TENM2: variants seen among roughly 807,000 people sequenced by gnomAD.
The protein encoded by TENM2 is teneurin transmembrane protein 2.
In TENM2, 52 loss-of-function variants were observed where a neutral mutation model predicts 245.2. That is an observed-to-expected ratio of 0.21 (90% CI 0.17 to 0.27). The LOEUF (loss-of-function observed/expected upper bound fraction) is 0.27, where lower values mean the gene tolerates loss of function less well. Among genes scored for constraint, TENM2 ranks in the 10% least tolerant of loss-of-function variants. The pLI, the probability that TENM2 is intolerant of heterozygous loss-of-function variation, is 1.00. For synonymous variants in TENM2, 1,363 were observed against 1,438.9 expected (o/e 0.95, Z 1.19); for missense variants, 3,046 against 3,666.8 (o/e 0.83, Z 4.37).
At chr5:167,349,839 A>G (rs925894603) in intron 1 of TENM2, among the ~76,000 whole-genome samples, 1 of 152,192 alleles carries the variant, frequency 6.6e-6, no homozygotes, top group African/African-American at 2.4e-5. Context: ...ATATACATGA[A>G]GACATCTCAT....
chr5:167,098,850 A>T, the TENM2 span, among the ~76,000 whole-genome samples: 3 of 152,132 alleles, frequency 2.0e-5, no homozygotes, highest in African/African-American at 4.8e-5. Context: ...TCAACTAGTG[A>T]TGTTTCCCTA....
chr5:167,706,774 GGAGGCC>G (rs536351972), intron 2 of TENM2, among the ~76,000 whole-genome samples: 123 of 151,856 alleles, frequency 8.1e-4, no homozygotes, highest in African/African-American at 2.7e-3. Flanking sequence ...CAGCACTTTG[GGAGGCC>G]GAGGCGGGTG....
chr5:168,124,134 A>G (rs1402420103), intron 10 of TENM2, among the ~76,000 whole-genome samples: 4 of 152,226 alleles, frequency 2.6e-5, no homozygotes, highest in Admixed American at 2.0e-4. Flanking sequence ...ATTGACTGGT[A>G]GAAGGTCAGT....
At chr5:167,267,906 G>A in the TENM2 span, among the ~76,000 whole-genome samples, 1 of 151,592 alleles carries the variant, frequency 6.6e-6, no homozygotes, top group Non-Finnish European at 1.5e-5. Flanking sequence ...AGCTGCAATA[G>A]TAAGGACAGG....
intron 2 of TENM2, among the ~76,000 whole-genome samples, chr5:167,462,954 C>G (rs1431822536): frequency 6.6e-6 from 1 of 151,940 alleles, no homozygotes; most frequent in Non-Finnish European, 1.5e-5. Flanking sequence ...ATGACAAATG[C>G]AATGAACTCT....
chr5:167,665,635 G>C (rs889728265), intron 2 of TENM2, among the ~76,000 whole-genome samples: 1 of 152,108 alleles, frequency 6.6e-6, no homozygotes, highest in Admixed American at 6.5e-5. Flanking sequence ...GTTCCATTCT[G>C]TATTTTACCC....
chr5:168,260,445 G>A (rs1373430731), intron 28 of TENM2, 32 bp downstream of exon 30: 1 of 1,610,870 alleles, frequency 6.2e-7, no homozygotes, highest in South Asian at 1.1e-5. Flanking sequence ...GAATCCAAAT[G>A]ATTGTCATCA....
the TENM2 span, among the ~76,000 whole-genome samples, chr5:167,208,442 G>A: frequency 6.6e-6 from 1 of 152,132 alleles, no homozygotes; most frequent in African/African-American, 2.4e-5. Context: ...AATTTAAACT[G>A]CTAACTTAGA....
At chr5:167,729,719 G>T (rs2150551588) in intron 2 of TENM2, among the ~76,000 whole-genome samples, 1 of 152,270 alleles carries the variant, frequency 6.6e-6, no homozygotes, top group South Asian at 2.1e-4. Flanking sequence ...TTTTAGATCT[G>T]TTGGATTTTC....
intron 2 of TENM2, among the ~76,000 whole-genome samples, chr5:167,414,367 TTACTG>T (rs1414913917): frequency 1.3e-5 from 2 of 152,144 alleles, no homozygotes; most frequent in African/African-American, 4.8e-5. Context: ...ATAAAAATCT[TTACTG>T]TAGAAGGATC....
chr5:167,755,117 C>T (rs1194208062), intron 2 of TENM2: 2 of 1,599,018 alleles, frequency 1.3e-6, no homozygotes, highest in East Asian at 4.5e-5. Context: ...GCCAGATCAT[C>T]TCTTATGGAG....
chr5:168,255,180 G>A (rs1304701665), intron 27 of TENM2, among the ~76,000 whole-genome samples: 1 of 152,208 alleles, frequency 6.6e-6, no homozygotes, highest in African/African-American at 2.4e-5. Flanking sequence ...GAAGTATTAA[G>A]TAACAAAAAA....
intron 19 of TENM2, among the ~76,000 whole-genome samples, chr5:168,210,307 A>G (rs1762691360): frequency 6.6e-6 from 1 of 152,168 alleles, no homozygotes; most frequent in Non-Finnish European, 1.5e-5. Flanking sequence ...TTCCCCCAAC[A>G]TAGATCTTAT....
chr5:167,695,048 C>T (rs1268587119), intron 2 of TENM2, among the ~76,000 whole-genome samples: 1 of 152,180 alleles, frequency 6.6e-6, no homozygotes, highest in African/African-American at 2.4e-5. Flanking sequence ...GTAAATATGT[C>T]TCTGAAGCTT....
At chr5:167,364,810 A>C (rs1412154269) in intron 1 of TENM2, among the ~76,000 whole-genome samples, 1 of 152,024 alleles carries the variant, frequency 6.6e-6, no homozygotes, top group African/African-American at 2.4e-5. Flanking sequence ...GAGAAAGAGA[A>C]GGAATAAAAG....
intron 2 of TENM2, among the ~76,000 whole-genome samples, chr5:167,596,920 G>C (rs1393509707): frequency 6.6e-6 from 1 of 152,118 alleles, no homozygotes; most frequent in South Asian, 2.1e-4. Context: ...CACCTTCGGG[G>C]GACACAAAAC....
chr5:167,815,384 T>C (rs1766966020), intron 2 of TENM2, among the ~76,000 whole-genome samples: 1 of 152,136 alleles, frequency 6.6e-6, no homozygotes, highest in Non-Finnish European at 1.5e-5. Flanking sequence ...AGGCATGACA[T>C]ATTAAATCTA....
intron 6 of TENM2, among the ~76,000 whole-genome samples, chr5:168,056,092 G>A (rs191311400): frequency 6.6e-6 from 1 of 152,310 alleles, no homozygotes; most frequent in Admixed American, 6.5e-5. Flanking sequence ...AGCTGGCATG[G>A]CTCAGGGAAG....
At chr5:167,112,706 C>A in the TENM2 span, among the ~76,000 whole-genome samples, 2 of 152,146 alleles carry the variant, frequency 1.3e-5, no homozygotes, top group African/African-American at 4.8e-5. Flanking sequence ...ATAATTAATT[C>A]TTTAATATTG....
Sources: gnomAD v4.1 joint callset for allele counts (sites outside exome capture counted in the v4.1 genomes callset) on GRCh38, gnomAD v4.1.1 for gene constraint, MANE v1.5 for transcripts, NCBI Gene and HGNC (gene_info 2026-07-23, HGNC 2026-07-21) for gene names.